Variants in SNTG1 observed in about 807,000 individuals in gnomAD.
SNTG1 encodes the protein syntrophin gamma 1.
A neutral mutation model predicts 74.7 loss-of-function variants in SNTG1; 39 were observed. That is an observed-to-expected ratio of 0.52 (90% CI 0.40 to 0.68). SNTG1 has a LOEUF of 0.68. Ranked by LOEUF, SNTG1 falls within the 30% of genes least tolerant of loss-of-function variation. The pLI, the probability that SNTG1 is intolerant of heterozygous loss-of-function variation, is 0.00. For missense variants in SNTG1, 685 were observed against 609.5 expected (o/e 1.12, Z -1.30); for synonymous variants, 254 against 217.1 (o/e 1.17, Z -1.49).
chr8:49,971,902 G>A (rs1032202224), intron 1 of SNTG1, among the ~76,000 whole-genome samples: 3 of 152,124 alleles, frequency 2.0e-5, no homozygotes, highest in African/African-American at 7.2e-5. Context: ...CATGCTCATG[G>A]GTAGGAAGAA....
chr8:50,324,653 C>T (rs565739734), intron 2 of SNTG1, among the ~76,000 whole-genome samples: 2 of 151,960 alleles, frequency 1.3e-5, no homozygotes, highest in African/African-American at 4.8e-5. Flanking sequence ...GTAGGATATG[C>T]CTTTTGAAAA....
chr8:50,603,296 T>A (rs993944399), intron 13 of SNTG1, among the ~76,000 whole-genome samples: 2 of 152,218 alleles, frequency 1.3e-5, no homozygotes, highest in Non-Finnish European at 2.9e-5. Context: ...ATTAAGACAC[T>A]CTGATGCATT....
intron 11 of SNTG1, among the ~76,000 whole-genome samples, chr8:50,542,349 G>A (rs931515238): frequency 2.0e-5 from 3 of 151,576 alleles, no homozygotes; most frequent in African/African-American, 7.3e-5. Context: ...TAGAGATGGG[G>A]TTTCATCATG....
intron 1 of SNTG1, among the ~76,000 whole-genome samples, chr8:50,115,512 G>A (rs1222771154): frequency 1.4e-5 from 2 of 138,136 alleles, no homozygotes; most frequent in African/African-American, 5.2e-5. Flanking sequence ...AGTTTGCAAT[G>A]AGCCAAGATC....
intron 12 of SNTG1, among the ~76,000 whole-genome samples, chr8:50,587,991 G>T (rs891146189): frequency 6.6e-6 from 1 of 150,870 alleles, no homozygotes; most frequent in Admixed American, 6.6e-5. Flanking sequence ...GTGGTGGTGG[G>T]CACCTATAGT....
rs1476424697 is a variant in SNTG1 at position 50,168,166 on chromosome 8, A to G, written c.-102-4395A>G. Among the ~76,000 whole-genome samples, 6 of 151,378 alleles carry G rather than the reference A, an allele frequency of 4.0e-5. No homozygotes were observed. The South Asian group carries it at 1.0e-3, about 26-fold the overall frequency. ...TTTCTAAAATGTTTAATATTTCCCA[A>G]CTTCCTGAAAAAAATCTACACATCT... is the stretch of plus-strand genomic sequence containing the variant. On this transcript the variant is annotated intron_variant, in intron 1 of 18. Coordinates refer to ENST00000642720, the MANE Select transcript of SNTG1 (RefSeq NM_018967.5).
intron 13 of SNTG1, among the ~76,000 whole-genome samples, chr8:50,610,598 A>G (rs1450494091): frequency 6.6e-6 from 1 of 152,144 alleles, no homozygotes; most frequent in Non-Finnish European, 1.5e-5. Flanking sequence ...AAACTACCAA[A>G]TTTGTTATTT....
At chr8:50,003,293 T>C (rs184243620) in intron 1 of SNTG1, among the ~76,000 whole-genome samples, 1 of 152,310 alleles carries the variant, frequency 6.6e-6, no homozygotes, top group Admixed American at 6.5e-5. Context: ...CATTTTATAT[T>C]TGTTCAAAGT....
chr8:50,106,847 T>G (rs1289391386), intron 1 of SNTG1, among the ~76,000 whole-genome samples: 1 of 152,138 alleles, frequency 6.6e-6, no homozygotes, highest in Non-Finnish European at 1.5e-5. Flanking sequence ...AATTCTATAT[T>G]TTAGCAAGGA....
chr8:50,620,194 G>A (rs1170131264), intron 13 of SNTG1, among the ~76,000 whole-genome samples: 1 of 152,086 alleles, frequency 6.6e-6, no homozygotes, highest in Non-Finnish European at 1.5e-5. Flanking sequence ...TCATCTGGGG[G>A]CCATTCCAAG....
At chr8:50,475,533 A>C (rs1489284315) in intron 8 of SNTG1, among the ~76,000 whole-genome samples, 1 of 152,242 alleles carries the variant, frequency 6.6e-6, no homozygotes, top group East Asian at 1.9e-4. Context: ...GTCAGATGCC[A>C]TTTCCGTGTG....
At chr8:50,457,683 G>A (rs2131662418) in intron 8 of SNTG1, among the ~76,000 whole-genome samples, 1 of 152,230 alleles carries the variant, frequency 6.6e-6, no homozygotes, top group African/African-American at 2.4e-5. Context: ...ATCCTGAAGG[G>A]CCAAGGGGCT....
At chr8:50,699,045 G>T (rs1439193962) in intron 15 of SNTG1, among the ~76,000 whole-genome samples, 1 of 152,042 alleles carries the variant, frequency 6.6e-6, no homozygotes, top group Non-Finnish European at 1.5e-5. Context: ...AAACAAAAAA[G>T]TTACTGAGGT....
chr8:50,515,073 T>C (rs1225788109), intron 9 of SNTG1, among the ~76,000 whole-genome samples: 1 of 152,212 alleles, frequency 6.6e-6, no homozygotes, highest in East Asian at 1.9e-4. Flanking sequence ...GAAATATTTT[T>C]CTCTATCATT....
At chr8:50,657,148 A>T (rs946100519) in intron 14 of SNTG1, 123 bp downstream of exon 14, 6 of 478,566 alleles carry the variant, frequency 1.3e-5, no homozygotes, top group Non-Finnish European at 2.2e-5. Context: ...AAAAAGTAGA[A>T]ATCAGTTTAT....
intron 11 of SNTG1, among the ~76,000 whole-genome samples, chr8:50,552,064 T>A (rs575769329): frequency 1.3e-5 from 2 of 152,272 alleles, no homozygotes; most frequent in East Asian, 3.9e-4. Flanking sequence ...AACATATAAA[T>A]TTACACATTT....
intron 2 of SNTG1, among the ~76,000 whole-genome samples, chr8:50,386,048 G>A (rs150389787): frequency 6.6e-6 from 1 of 152,314 alleles, no homozygotes; most frequent in East Asian, 1.9e-4. Context: ...GCAAAGGTAA[G>A]TTAAAGGTAG....
intron 13 of SNTG1, among the ~76,000 whole-genome samples, chr8:50,614,292 A>C (rs559481724): frequency 6.6e-6 from 1 of 152,126 alleles, no homozygotes; most frequent in Middle Eastern, 3.2e-3. Flanking sequence ...AAATGTGAAC[A>C]TATTTCTGAA....
chr8:50,754,427 A>C (rs2095575131), intron 18 of SNTG1, among the ~76,000 whole-genome samples: 1 of 151,920 alleles, frequency 6.6e-6, no homozygotes, highest in African/African-American at 2.4e-5. Flanking sequence ...CTCAAGTCTG[A>C]TAATGATGAA....
Sources: gnomAD v4.1 joint callset for allele counts (sites outside exome capture counted in the v4.1 genomes callset) on GRCh38, gnomAD v4.1.1 for gene constraint, MANE v1.5 for transcripts, NCBI Gene and HGNC (gene_info 2026-07-23, HGNC 2026-07-21) for gene names.